Variants in WDR72 observed in about 807,000 individuals in gnomAD.
The protein encoded by WDR72 is WD repeat domain 72, also known as WD repeat-containing protein 72.
WDR72 carries 120 observed loss-of-function variants against 124.2 expected under a neutral mutation model. That is an observed-to-expected ratio of 0.97 (90% CI 0.83 to 1.12). The LOEUF (loss-of-function observed/expected upper bound fraction) is 1.12, where lower values mean the gene tolerates loss of function less well. Ranked by LOEUF, WDR72 falls within the 50% of genes most tolerant of loss-of-function variation. The probability of loss-of-function intolerance (pLI) is 0.00; values close to 1 mark genes in which losing one functional copy is unlikely to be tolerated. For synonymous variants in WDR72, 452 were observed against 441.7 expected, an observed-to-expected ratio of 1.02 and a Z score of -0.29; for missense variants, 1,387 against 1,278.8, an observed-to-expected ratio of 1.08 and a Z score of -1.29.
intron 1 of WDR72, chr15:53,759,400 A>T (rs1595893688): frequency 6.6e-6 from 1 of 151,590 alleles, no homozygotes; most frequent in South Asian, 2.1e-4. Context: ...GAGTTTGAAG[A>T]GGGACTTTTC....
At chr15:53,685,720 G>A (rs1486476542) in intron 13 of WDR72, among the ~76,000 whole-genome samples, 1 of 151,294 alleles carries the variant, frequency 6.6e-6, no homozygotes, top group Non-Finnish European at 1.5e-5. Flanking sequence ...ACACCGCAAA[G>A]ATACTCCTCG....
chr15:53,707,793 T>G (rs1208811156), intron 9 of WDR72, among the ~76,000 whole-genome samples: 1 of 152,196 alleles, frequency 6.6e-6, no homozygotes, highest in Non-Finnish European at 1.5e-5. Flanking sequence ...CTTACAGCCA[T>G]GATTTTTATA....
intron 7 of WDR72, 61 bp downstream of exon 7, chr15:53,712,711 T>C: frequency 1.3e-6 from 2 of 1,514,298 alleles, no homozygotes; most frequent in Non-Finnish European, 1.8e-6. Flanking sequence ...CTTATTTTTG[T>C]ACAAAACAAA....
chr15:53,559,985 A>G (rs1259957602), intron 18 of WDR72, among the ~76,000 whole-genome samples: 1 of 152,062 alleles, frequency 6.6e-6, no homozygotes, highest in African/African-American at 2.4e-5. Context: ...AGTCACAAGC[A>G]TTACAAGTTG....
chr15:53,581,594 T>C (rs2011931067), intron 18 of WDR72, among the ~76,000 whole-genome samples: 1 of 152,100 alleles, frequency 6.6e-6, no homozygotes, highest in African/African-American at 2.4e-5. Context: ...CTGATGAACC[T>C]TAGCATTAAT....
intron 1 of WDR72, among the ~76,000 whole-genome samples, chr15:53,755,921 C>G (rs1326409387): frequency 6.6e-6 from 1 of 152,204 alleles, no homozygotes; most frequent in Non-Finnish European, 1.5e-5. Context: ...ATCAACCACA[C>G]CTTCTCACTC....
intron 18 of WDR72, among the ~76,000 whole-genome samples, chr15:53,575,990 T>A (rs1352505424): frequency 6.6e-6 from 1 of 152,096 alleles, no homozygotes; most frequent in Non-Finnish European, 1.5e-5. Flanking sequence ...CTTTGATTCA[T>A]CTACCAAACT....
intron 14 of WDR72, among the ~76,000 whole-genome samples, chr15:53,639,385 T>TTA (rs1378593891): frequency 3.3e-5 from 5 of 151,536 alleles, no homozygotes; most frequent in African/African-American, 4.8e-5. Context: ...AATTCCAGCA[T>TTA]TCTGGGAGGC....
At chr15:53,537,513 C>T (rs1268875300) in intron 18 of WDR72, among the ~76,000 whole-genome samples, 3 of 152,118 alleles carry the variant, frequency 2.0e-5, no homozygotes, top group East Asian at 1.9e-4. Flanking sequence ...CATCTACAAA[C>T]TGGGAAACCT....
chr15:53,622,631 G>A (rs1049930195), intron 14 of WDR72, among the ~76,000 whole-genome samples: 1 of 151,978 alleles, frequency 6.6e-6, no homozygotes, highest in Non-Finnish European at 1.5e-5. Context: ...TCTGAGGAGG[G>A]AGCAGGGGGA....
chr15:53,532,880 A>C (rs1481019888), intron 18 of WDR72, among the ~76,000 whole-genome samples: 1 of 152,100 alleles, frequency 6.6e-6, no homozygotes, highest in Non-Finnish European at 1.5e-5. Context: ...TCAAAATATC[A>C]CATGTAACCC....
At chr15:53,558,425 T>C (rs999561554) in intron 18 of WDR72, among the ~76,000 whole-genome samples, 2 of 152,066 alleles carry the variant, frequency 1.3e-5, no homozygotes, top group African/African-American at 4.8e-5. Context: ...CTGAAAAATG[T>C]GCTCTAAAGT....
intron 1 of WDR72, among the ~76,000 whole-genome samples, chr15:53,758,004 TCTC>T (rs2018958852): frequency 6.8e-6 from 1 of 147,660 alleles, no homozygotes; most frequent in Admixed American, 6.6e-5. Context: ...TCTCTCTCTC[TCTC>T]TTTTTCTCTT....
At chr15:53,667,762 G>T (rs374435567) in intron 13 of WDR72, among the ~76,000 whole-genome samples, 1 of 152,016 alleles carries the variant, frequency 6.6e-6, no homozygotes, top group East Asian at 1.9e-4. Context: ...AGAATTATTG[G>T]GAAAGAACTT....
intron 18 of WDR72, among the ~76,000 whole-genome samples, chr15:53,524,233 C>T (rs1406828165): frequency 6.6e-6 from 1 of 152,070 alleles, no homozygotes; most frequent in African/African-American, 2.4e-5. Context: ...TATATGGATA[C>T]TGTTGAGTAC....
At chr15:53,685,388 C>A (rs878967937) in intron 13 of WDR72, among the ~76,000 whole-genome samples, 1 of 128,864 alleles carries the variant, frequency 7.8e-6, no homozygotes, top group African/African-American at 3.0e-5. Flanking sequence ...AGCTGAAAAC[C>A]AAGGCTCGAG....
intron 14 of WDR72, among the ~76,000 whole-genome samples, chr15:53,657,911 C>T (rs549936181): frequency 6.6e-6 from 1 of 152,288 alleles, no homozygotes; most frequent in African/African-American, 2.4e-5. Flanking sequence ...CAGTTGCTAT[C>T]TCAGCCATAA....
chr15:53,604,993 T>C (rs995297370), intron 17 of WDR72, among the ~76,000 whole-genome samples: 4 of 152,280 alleles, frequency 2.6e-5, no homozygotes, highest in South Asian at 2.1e-4. Flanking sequence ...AGTGGATATA[T>C]ACCCAAAGGA....
At position 53,579,184 on chromosome 15, in the gene WDR72, A is replaced by G. The variant is rs145400390; in HGVS notation, c.3148+17895T>C. Among the ~76,000 whole-genome samples the G allele has an allele frequency of 2.0e-5, 3 of 152,236 alleles. No individual in the cohort carries two copies. In the East Asian group the frequency reaches 5.8e-4, roughly 30 times the overall value. ...ACTGCATGTTTAGGTGAGCCTAACA[A>G]GAACCCCTGACAGGCACTGCATCAT... On this transcript the variant is annotated intron_variant, in intron 18 of 19. Transcript: ENST00000360509.
Sources: gnomAD v4.1 joint callset for allele counts (sites outside exome capture counted in the v4.1 genomes callset) on GRCh38, gnomAD v4.1.1 for gene constraint, MANE v1.5 for transcripts, NCBI Gene and HGNC (gene_info 2026-07-23, HGNC 2026-07-21) for gene names.